The following UBE2F variants were observed in gnomAD, a reference collection of about 807,000 sequenced individuals.
UBE2F encodes the protein ubiquitin conjugating enzyme E2 F (putative).
A neutral mutation model predicts 29.6 loss-of-function variants in UBE2F; 5 were observed. That is an observed-to-expected ratio of 0.17 (90% CI 0.09 to 0.36). The LOEUF (loss-of-function observed/expected upper bound fraction) is 0.36, where lower values mean the gene tolerates loss of function less well. UBE2F is among the 10% of genes least tolerant of loss of function. The pLI, the probability that UBE2F is intolerant of heterozygous loss-of-function variation, is 1.00. For synonymous variants in UBE2F, 66 were observed against 81.8 expected (o/e 0.81, Z 1.04); for missense variants, 141 against 228.5 (o/e 0.62, Z 2.47).
At chr2:238,034,589 G>C (rs1315559327) in intron 8 of UBE2F, among the ~76,000 whole-genome samples, 5 of 152,144 alleles carry the variant, frequency 3.3e-5, no homozygotes, top group African/African-American at 4.8e-5. Context: ...ATATAGTAAA[G>C]AAGATAAGAA....
At chr2:238,022,175 C>CTTTTTTT (rs1162304454) in intron 5 of UBE2F, among the ~76,000 whole-genome samples, 1 of 63,308 alleles carries the variant, frequency 1.6e-5, no homozygotes, top group African/African-American at 4.2e-5. Context: ...CTTTTCTTTT[C>CTTTTTTT]TTTTTTTTTT....
intron 4 of UBE2F, among the ~76,000 whole-genome samples, chr2:238,002,928 G>A (rs1406076797): frequency 5.9e-5 from 9 of 152,150 alleles, no homozygotes; most frequent in Admixed American, 1.3e-4. Context: ...CACCATGCCC[G>A]GCTGACGCAT....
Position 238,003,504 on chromosome 2 carries a change from C to T in UBE2F, c.214+8695C>T, listed in dbSNP as rs78812480. The T allele has an allele frequency of 6.6e-3, 2,851 of 431,088 alleles. 116 individuals carry two copies. Among genetic ancestry groups the T allele is most frequent in the Admixed American group, 0.059 (2,391 of 40,826 alleles). The allele number at this position is 431,088 out of a possible 1,614,324, so 26.7% of individuals were successfully genotyped here. A position where few individuals can be genotyped will look rare whatever the true frequency, so the allele number is the denominator to read the frequency against. ...AATGTAACTCCAAGTCAGATTCTCT[C>T]GTGGGATGCTCAGGCTTCCTGAAGT... On this transcript the variant is annotated intron_variant, in intron 4 of 9. Coordinates refer to ENST00000272930, the MANE Select transcript of UBE2F (RefSeq NM_080678.3).
At chr2:237,979,235 C>A (rs1292534762) in intron 2 of UBE2F, among the ~76,000 whole-genome samples, 1 of 152,196 alleles carries the variant, frequency 6.6e-6, no homozygotes, top group Admixed American at 6.5e-5. Flanking sequence ...TTCTAACCTT[C>A]TCTTGTTTTG....
intron 3 of UBE2F, 59 bp downstream of exon 3, chr2:237,988,051 TTA>T (rs1375499407): frequency 9.6e-7 from 1 of 1,046,906 alleles, no homozygotes; most frequent in African/African-American, 1.7e-5. Context: ...AGAAAACTTT[TTA>T]TGTTTTAATA....
Position 237,967,158 on chromosome 2 carries a change from G to A in UBE2F, c.-17+26G>A. On this transcript the variant is annotated intron_variant, in intron 1 of 9. Transcript: ENST00000272930. The surrounding 1 kb of genome is among the most constrained non-coding windows in gnomAD (Gnocchi z 6.3). ...GTGAGGAGCGACCGTGCGGCTCTGC[G>A]GCGGGGCGAGGTGCGGCCGCCGGTG... 3 of 1,195,314 alleles carry A rather than the reference G, an allele frequency of 2.5e-6. No homozygotes were observed. Among genetic ancestry groups the A allele is most frequent in the Non-Finnish European group, 3.1e-6 (3 of 964,696 alleles). The allele number at this position is 1,195,314 out of a possible 1,614,324, so 74.0% of individuals were successfully genotyped here.
At chr2:237,980,537 C>T (rs1391222444) in intron 2 of UBE2F, among the ~76,000 whole-genome samples, 1 of 152,122 alleles carries the variant, frequency 6.6e-6, no homozygotes, top group Non-Finnish European at 1.5e-5. Context: ...CTGATCTAAA[C>T]CTAATTACCT....
At chr2:237,978,301 C>T (rs1480502290) in intron 2 of UBE2F, among the ~76,000 whole-genome samples, 1 of 152,220 alleles carries the variant, frequency 6.6e-6, no homozygotes, top group Non-Finnish European at 1.5e-5. Context: ...GGCTCATTGC[C>T]TTGCTCACCT....
chr2:238,038,150 CAG>C (rs1427049638), intron 9 of UBE2F, among the ~76,000 whole-genome samples: 1 of 152,262 alleles, frequency 6.6e-6, no homozygotes, highest in Admixed American at 6.5e-5. Context: ...GCATCCTGCT[CAG>C]ACTCACAAAA....
At chr2:238,026,681 C>T (rs1233485816) in intron 6 of UBE2F, among the ~76,000 whole-genome samples, 1 of 152,166 alleles carries the variant, frequency 6.6e-6, no homozygotes, top group African/African-American at 2.4e-5. Context: ...GATCTGCCCG[C>T]CTCGGCCTCC....
chr2:238,041,179 C>A, intron 9 of UBE2F, 109 bp from the exon 10 acceptor site: 1 of 1,090,524 alleles, frequency 9.2e-7, no homozygotes, highest in Non-Finnish European at 1.4e-6. Context: ...CCTTGGCGAC[C>A]ACAGGGGACC....
chr2:238,026,538 A>G (rs993203052), intron 6 of UBE2F, among the ~76,000 whole-genome samples: 3 of 151,966 alleles, frequency 2.0e-5, no homozygotes, highest in African/African-American at 7.3e-5. Flanking sequence ...GGTTCACGCC[A>G]TTCTCCTGCC....
At position 238,041,371 on chromosome 2, in the gene UBE2F, G is replaced by C. The variant is rs370397919; in HGVS notation, c.*33G>C. On this transcript the variant is annotated 3_prime_UTR_variant, in exon 10 of 10. Transcript: ENST00000272930. ...GGACGATTGCAGGCCCATGGACTGTGTTACAGTTTGTCTCTAACATGAAAC... is the reference window on the plus strand; with the variant it reads ...GGACGATTGCAGGCCCATGGACTGTCTTACAGTTTGTCTCTAACATGAAAC... The C allele has an allele frequency of 3.7e-6, 6 of 1,611,546 alleles. No homozygotes were observed. The African/African-American group carries it at 6.7e-5, about 18-fold the overall frequency.
intron 8 of UBE2F, among the ~76,000 whole-genome samples, chr2:238,034,779 ATT>A (rs1340540706): frequency 2.0e-5 from 3 of 152,226 alleles, no homozygotes; most frequent in Non-Finnish European, 4.4e-5. Context: ...TAGTCCCCAA[ATT>A]TAACATCATT....
intron 4 of UBE2F, among the ~76,000 whole-genome samples, chr2:237,999,815 T>A (rs940480654): frequency 1.2e-4 from 12 of 103,064 alleles, no homozygotes; most frequent in African/African-American, 3.4e-4. Context: ...TATTTTGATG[T>A]TGTTCTTTTT....
At chr2:237,983,627 C>G (rs1312522951) in intron 2 of UBE2F, among the ~76,000 whole-genome samples, 2 of 152,180 alleles carry the variant, frequency 1.3e-5, no homozygotes, top group African/African-American at 4.8e-5. Context: ...ATTGCCCCTT[C>G]CCGTTGCCTC....
At chr2:237,980,323 A>G (rs1051564933) in intron 2 of UBE2F, among the ~76,000 whole-genome samples, 3 of 152,210 alleles carry the variant, frequency 2.0e-5, no homozygotes, top group Non-Finnish European at 2.9e-5. Flanking sequence ...GGCCTAAACA[A>G]TAGGCATGTG....
chr2:237,983,281 C>T lies in UBE2F; in HGVS notation c.119-4682C>T, dbSNP rs962275159. ...CTCCTCTTCTCCCCACACTCAGCTCCGCTGAAGAGATCTGTCCTTTTTCTC... is the reference window on the plus strand; with the variant it reads ...CTCCTCTTCTCCCCACACTCAGCTCTGCTGAAGAGATCTGTCCTTTTTCTC... On this transcript the variant is annotated intron_variant, in intron 2 of 9. Coordinates refer to ENST00000272930, the MANE Select transcript of UBE2F (RefSeq NM_080678.3). Among the ~76,000 whole-genome samples the T allele has an allele frequency of 2.8e-4, 42 of 152,372 alleles. 1 individual carries two copies. The highest frequency in any genetic ancestry group is 8.3e-4 in the South Asian group (4 of 4,832).
chr2:237,986,239 TC>T, intron 2 of UBE2F: 1 of 327,130 alleles, frequency 3.1e-6, no homozygotes. Flanking sequence ...AGCCTCGACT[TC>T]CCAGGCTCAG....
Sources: allele counts gnomAD v4.1 joint callset (sites outside exome capture counted in the v4.1 genomes callset), GRCh38; gene constraint gnomAD v4.1.1; non-coding constraint Gnocchi (gnomAD v3.1); transcripts MANE v1.5; gene names NCBI Gene and HGNC (gene_info 2026-07-23, HGNC 2026-07-21).